Variants in VIM observed in about 807,000 individuals in gnomAD.
The protein encoded by VIM is vimentin, also known as epididymis secretory sperm binding protein.
In VIM, 18 loss-of-function variants were observed where a neutral mutation model predicts 50.3. That is an observed-to-expected ratio of 0.36 (90% CI 0.25 to 0.53). VIM has a LOEUF of 0.53. VIM is among the 20% of genes least tolerant of loss of function. The pLI, the probability that VIM is intolerant of heterozygous loss-of-function variation, is 0.91. For synonymous variants in VIM, 245 were observed against 248.5 expected, an observed-to-expected ratio of 0.99 and a Z score of 0.13; for missense variants, 551 against 614.7, an observed-to-expected ratio of 0.90 and a Z score of 1.10.
intron 5 of VIM, among the ~76,000 whole-genome samples, 170 bp from the exon 6 acceptor site, chr10:17,234,523 T>G (rs1846852654): frequency 6.6e-6 from 1 of 152,064 alleles, no homozygotes; most frequent in South Asian, 2.1e-4. Context: ...CACTGTAGAG[T>G]GAACTCTGAA....
chr10:17,229,144 A>ACCACC lies in VIM; in HGVS notation c.-147-130_-147-129insACCCC. ...AGCAGGAAGGCTCGAGGGCGCCCCC[A>ACCACC]CCCCACCCGCCCACCCTCCCCGCTT... is the stretch of plus-strand genomic sequence containing the variant. On this transcript the variant is annotated intron_variant, in intron 1 of 9. Coordinates refer to ENST00000544301, the MANE Select transcript of VIM (RefSeq NM_003380.5). 2 of 176,160 alleles carry ACCACC rather than the reference A, an allele frequency of 1.1e-5. 1 individual carries two copies. Among genetic ancestry groups the ACCACC allele is most frequent in the Non-Finnish European group, 2.3e-5 (2 of 88,764 alleles). The allele number at this position is 176,160 out of a possible 1,614,324, so 10.9% of individuals were successfully genotyped here. A position where few individuals can be genotyped will look rare whatever the true frequency, so the allele number is the denominator to read the frequency against.
chr10:17,230,059 C>T (rs1846758194), intron 2 of VIM, 74 bp downstream of exon 2: 2 of 1,497,360 alleles, frequency 1.3e-6, no homozygotes, highest in South Asian at 1.3e-5. Flanking sequence ...CCCCCGGCCC[C>T]CGCGAGAGCT....
At chr10:17,233,310 T>A (rs1026186594) in intron 3 of VIM, 3 of 425,640 alleles carry the variant, frequency 7.0e-6, no homozygotes, top group African/African-American at 6.1e-5. Flanking sequence ...GAGTGCAGTT[T>A]ACCATGTGTG....
chr10:17,237,421 C>A lies in VIM; in HGVS notation c.*150C>A. 1 of 703,110 alleles carries A rather than the reference C, an allele frequency of 1.4e-6. No homozygotes were observed. Among genetic ancestry groups the A allele is most frequent in the Non-Finnish European group, 2.4e-6 (1 of 412,886 alleles). The allele number at this position is 703,110 out of a possible 1,614,324, so 43.6% of individuals were successfully genotyped here. On this transcript the variant is annotated 3_prime_UTR_variant, in exon 10 of 10. Coordinates refer to ENST00000544301, the MANE Select transcript of VIM (RefSeq NM_003380.5). The stretch of plus-strand genomic sequence containing the variant: ...AGGAATAAGCTCTAGTTCTTAACAA[C>A]CGACACTCCTACAAGATTTAGAAAA...
chr10:17,234,321 A>T (rs1260255010), intron 5 of VIM, among the ~76,000 whole-genome samples: 1 of 151,878 alleles, frequency 6.6e-6, no homozygotes, highest in Non-Finnish European at 1.5e-5. Flanking sequence ...CACCATGTTG[A>T]CCAGGCTTCT....
chr10:17,235,768 C>T, intron 7 of VIM, 78 bp from the exon 8 acceptor site: 2 of 1,421,704 alleles, frequency 1.4e-6, no homozygotes, highest in Admixed American at 3.4e-5. Context: ...GTGACGAAAA[C>T]AAAAAGTGTG....
chr10:17,234,236 C>T, intron 5 of VIM: 1 of 374,790 alleles, frequency 2.7e-6, no homozygotes, highest in East Asian at 6.5e-5. Flanking sequence ...CTGCCTCAGC[C>T]CCCTAAGAGC....
chr10:17,236,146 A>G, intron 8 of VIM, 148 bp from the exon 9 acceptor site: 1 of 792,432 alleles, frequency 1.3e-6, no homozygotes, highest in South Asian at 1.5e-5. Flanking sequence ...GGGTTTCCAA[A>G]CAGAGACTAC....
intron 3 of VIM, among the ~76,000 whole-genome samples, chr10:17,231,981 A>ATG (rs988518612): frequency 2.0e-5 from 3 of 152,180 alleles, no homozygotes; most frequent in African/African-American, 7.2e-5. Flanking sequence ...AACCACAGCA[A>ATG]TGTGTGTGGT....
At chr10:17,231,535 A>G (rs1457828947) in intron 3 of VIM, among the ~76,000 whole-genome samples, 1 of 152,224 alleles carries the variant, frequency 6.6e-6, no homozygotes, top group Non-Finnish European at 1.5e-5. Context: ...ATATGTAATG[A>G]TGTAAGCACG....
Position 17,236,320 on chromosome 10 carries a change from G to A in VIM, c.1300G>A (p.Val434Ile), listed in dbSNP as rs146586974. 3 of 1,613,608 alleles carry A rather than the reference G, an allele frequency of 1.9e-6. No homozygotes were observed. Among genetic ancestry groups the A allele is most frequent in the African/African-American group, 2.7e-5 (2 of 74,832 alleles). ...RETNLDSLPL[V>I]DTHSKRTLLI... The stretch of plus-strand genomic sequence containing the variant: ...AACTAATCTGGATTCACTCCCTCTG[G>A]TTGATACCCACTCAAAAAGGACACT... Residue 434 changes from valine to isoleucine, a missense_variant, in exon 9 of 10, where the codon GTT becomes ATT. Transcript: ENST00000544301.
chr10:17,233,760 C>G lies in VIM; in HGVS notation c.721-10C>G. The G allele has an allele frequency of 2.5e-6, 4 of 1,614,208 alleles. No individual in the cohort carries two copies. The highest frequency in any genetic ancestry group is 3.4e-6 in the Non-Finnish European group (4 of 1,180,030). ...TGGCAGAGCTGACCGTCTGTCTGTT[C>G]TTTTTGCAGGAAATCCAGGAGCTGC... On this transcript the variant is annotated splice_polypyrimidine_tract_variant and intron_variant, in intron 4 of 9. Transcript: ENST00000544301.
At position 17,229,357 on chromosome 10, in the gene VIM, C is replaced by A; in HGVS notation, c.-66C>A. The A allele has an allele frequency of 6.6e-7, 1 of 1,512,796 alleles. No homozygotes were observed. Among genetic ancestry groups the A allele is most frequent in the South Asian group, 1.2e-5 (1 of 83,906 alleles). The allele number at this position is 1,512,796 out of a possible 1,614,324, so 93.7% of individuals were successfully genotyped here. A position where few individuals can be genotyped will look rare whatever the true frequency, so the allele number is the denominator to read the frequency against. ...CACCCACACCCACCGCGCCCTCGTT[C>A]GCCTCTTCTCCGGGAGCCAGTCCGC... is the stretch of plus-strand genomic sequence containing the variant. On this transcript the variant is annotated 5_prime_UTR_variant, in exon 2 of 10. Coordinates refer to ENST00000544301, the MANE Select transcript of VIM (RefSeq NM_003380.5).
At chr10:17,234,628 T>C in intron 5 of VIM, 65 bp from the exon 6 acceptor site, 1 of 1,605,920 alleles carries the variant, frequency 6.2e-7, no homozygotes, top group Non-Finnish European at 8.5e-7. Context: ...ATATGATTTT[T>C]TTTTTCTAAG....
intron 5 of VIM, 85 bp downstream of exon 5, chr10:17,234,016 C>T (rs1846843895): frequency 1.3e-6 from 2 of 1,535,266 alleles, no homozygotes; most frequent in Non-Finnish European, 1.8e-6. Flanking sequence ...CCTAAATATC[C>T]TCTAGCTCCA....
intron 6 of VIM, 126 bp downstream of exon 6, chr10:17,234,944 T>G: frequency 7.0e-7 from 1 of 1,432,188 alleles, no homozygotes; most frequent in Non-Finnish European, 9.6e-7. Context: ...GAAAATGAGT[T>G]ATCAAGACAG....
chr10:17,235,764 A>C, intron 7 of VIM, 82 bp from the exon 8 acceptor site: 6 of 1,400,534 alleles, frequency 4.3e-6, no homozygotes, highest in South Asian at 3.5e-5. Flanking sequence ...TTACGTGACG[A>C]AAACAAAAAG....
intron 1 of VIM, chr10:17,228,954 A>T: frequency 5.8e-6 from 1 of 172,238 alleles, no homozygotes; most frequent in Non-Finnish European, 1.2e-5. Context: ...GCGTGGTGCC[A>T]CCGGACCCCT....
In VIM at chr10:17,235,705, A is replaced by G. The variant is rs181745739; in HGVS notation, c.1230-141A>G. 2.5e-5 allele frequency: 22 copies of G among 868,190 alleles called. No individual in the cohort carries two copies. In the East Asian group the frequency reaches 5.5e-4, roughly 22 times the overall value. 53.8% of individuals were successfully genotyped at this position (868,190 alleles called of 1,614,324 possible). On this transcript the variant is annotated intron_variant, in intron 7 of 9. Transcript: ENST00000544301. ...TACTAACAAGACCAGTCATGGGAAA[A>G]TGTTTCTGAGACAAATCTCTAGTTT...
Sources: gnomAD v4.1 joint callset for allele counts (sites outside exome capture counted in the v4.1 genomes callset) on GRCh38, gnomAD v4.1.1 for gene constraint, MANE v1.5 for transcripts, NCBI Gene and HGNC (gene_info 2026-07-23, HGNC 2026-07-21) for gene names.